Variants in PHF24 observed in about 807,000 individuals in gnomAD.
PHF24 encodes Galpha inhibitory interacting protein.
PHF24 carries 25 observed loss-of-function variants against 42.6 expected under a neutral mutation model. The ratio of observed to expected loss-of-function variants is 0.59; its 90% CI spans 0.43 to 0.82. PHF24 has a LOEUF of 0.82. PHF24 is among the 40% of genes least tolerant of loss of function. The probability of loss-of-function intolerance (pLI) is 0.00; values close to 1 mark genes in which losing one functional copy is unlikely to be tolerated. For synonymous variants in PHF24, 185 were observed against 204.8 expected (o/e 0.90, Z 0.83); for missense variants, 470 against 538.1 (o/e 0.87, Z 1.25).
the PHF24 span, among the ~76,000 whole-genome samples, chr9:34,741,204 T>TA: frequency 6.7e-6 from 1 of 150,264 alleles, no homozygotes; most frequent in Non-Finnish European, 1.5e-5. Context: ...CTCATTTTTG[T>TA]AAAAAAAGTT....
chr9:34,953,481 C>T (rs947952669), upstream of PHF24, among the ~76,000 whole-genome samples: 2 of 152,268 alleles, frequency 1.3e-5, no homozygotes, highest in East Asian at 3.9e-4. This position sits in a 1 kb window ranked among gnomAD's most constrained non-coding sequence, Gnocchi z 4.1. Flanking sequence ...AACAAAGAAG[C>T]CCAGGGCTTG....
At chr9:34,719,836 T>C in the PHF24 span, among the ~76,000 whole-genome samples, 1 of 152,208 alleles carries the variant, frequency 6.6e-6, no homozygotes, top group African/African-American at 2.4e-5. Context: ...ATACCTCCTT[T>C]GATCTTTGGG....
intron 1 of PHF24, among the ~76,000 whole-genome samples, chr9:34,963,560 C>T: frequency 6.6e-6 from 1 of 152,162 alleles, no homozygotes. Context: ...AGTGCATTTT[C>T]ACACTTTCTA....
the PHF24 span, chr9:34,835,862 C>T: frequency 8.2e-7 from 1 of 1,215,286 alleles, no homozygotes; most frequent in Non-Finnish European, 1.2e-6. Context: ...TCAAAGGATA[C>T]ACTAGACAGA....
At chr9:34,692,550 G>A in the PHF24 span, among the ~76,000 whole-genome samples, 13 of 152,100 alleles carry the variant, frequency 8.5e-5, no homozygotes, top group Admixed American at 2.0e-4. Flanking sequence ...GGGTAGTCAC[G>A]GTGCAGAGGA....
chr9:34,913,698 A>G, the PHF24 span, among the ~76,000 whole-genome samples: 1 of 152,142 alleles, frequency 6.6e-6, no homozygotes, highest in Non-Finnish European at 1.5e-5. Context: ...TGCGGTAGAA[A>G]AGACTCCTCC....
chr9:34,797,145 G>A, the PHF24 span, among the ~76,000 whole-genome samples: 1 of 152,062 alleles, frequency 6.6e-6, no homozygotes. Flanking sequence ...TGCTTCTTCC[G>A]TGCCCAGCTG....
chr9:34,690,248 G>A, the PHF24 span: 2 of 1,614,172 alleles, frequency 1.2e-6, no homozygotes, highest in South Asian at 2.2e-5. Context: ...TGATGAGAAG[G>A]TAGTGGAAGT....
At chr9:34,815,727 A>G in the PHF24 span, among the ~76,000 whole-genome samples, 6 of 152,372 alleles carry the variant, frequency 3.9e-5, no homozygotes, top group African/African-American at 1.4e-4. Flanking sequence ...TTAAATATGC[A>G]TAGCCTTGAT....
the PHF24 span, among the ~76,000 whole-genome samples, chr9:34,700,781 C>T: frequency 1.3e-5 from 2 of 152,020 alleles, no homozygotes; most frequent in Admixed American, 1.3e-4. Context: ...TGGACCTCTC[C>T]AACATGAACA....
At chr9:34,705,230 G>A in the PHF24 span, among the ~76,000 whole-genome samples, 5 of 151,758 alleles carry the variant, frequency 3.3e-5, no homozygotes, top group Admixed American at 1.3e-4. Context: ...AAATATTTAC[G>A]TGTCTCAGCA....
rs1465282933 is a variant in PHF24 at position 34,976,592 on chromosome 9, G to A, written c.701G>A (p.Gly234Glu). 3 of 1,614,186 alleles carry A rather than the reference G, an allele frequency of 1.9e-6. No individual in the cohort carries two copies. The highest frequency in any genetic ancestry group is 1.1e-5 in the South Asian group (1 of 91,084). Residue 234 changes from glycine (G) to glutamate (E), a missense_variant, in exon 5 of 8, where the codon GGG becomes GAG. By Grantham distance (98) the Gly-to-Glu change is moderately conservative. Coordinates refer to ENST00000242315, the Ensembl canonical transcript of PHF24. ...TACCGCCACCAAGCAGCCAAGCGGG[G>A]GGACCGTGACAGGGCCCTGAGTGAG...
the PHF24 span, among the ~76,000 whole-genome samples, chr9:34,676,846 C>G: frequency 6.6e-6 from 1 of 152,234 alleles, no homozygotes; most frequent in East Asian, 1.9e-4. Flanking sequence ...GCCACACGCT[C>G]TTAAACAGCT....
chr9:34,753,720 C>T, the PHF24 span, among the ~76,000 whole-genome samples: 1 of 152,152 alleles, frequency 6.6e-6, no homozygotes, highest in Non-Finnish European at 1.5e-5. Flanking sequence ...AGAGGAATCA[C>T]ATTACCTGAC....
At chr9:34,671,466 C>T in the PHF24 span, among the ~76,000 whole-genome samples, 5 of 152,350 alleles carry the variant, frequency 3.3e-5, no homozygotes, top group Admixed American at 3.3e-4. Context: ...GCTGCACTTG[C>T]ACTGCAGCCA....
At chr9:34,875,984 TCTCA>T in the PHF24 span, among the ~76,000 whole-genome samples, 1 of 133,192 alleles carries the variant, frequency 7.5e-6, no homozygotes, top group African/African-American at 2.8e-5. Flanking sequence ...TCTCTCTCTC[TCTCA>T]CTCCTTCCAA....
the PHF24 span, among the ~76,000 whole-genome samples, chr9:34,761,386 C>A: frequency 6.6e-6 from 1 of 151,990 alleles, no homozygotes; most frequent in Admixed American, 6.6e-5. Flanking sequence ...ATGCCAGACA[C>A]TATTCTTGAT....
chr9:34,809,472 G>GT, the PHF24 span, among the ~76,000 whole-genome samples: 1 of 152,186 alleles, frequency 6.6e-6, no homozygotes, highest in Non-Finnish European at 1.5e-5. This position sits in a 1 kb window ranked among gnomAD's most constrained non-coding sequence, Gnocchi z 4.1. Flanking sequence ...CAAAAAGTGG[G>GT]TTACACGACA....
the PHF24 span, among the ~76,000 whole-genome samples, chr9:34,856,499 T>C: frequency 1.3e-5 from 2 of 152,226 alleles, no homozygotes; most frequent in African/African-American, 2.4e-5. Context: ...GCTTTCTGTT[T>C]GTTTTTCTTT....
Sources: gnomAD v4.1 joint callset for allele counts (sites outside exome capture counted in the v4.1 genomes callset) on GRCh38, gnomAD v4.1.1 for gene constraint, Gnocchi (gnomAD v3.1) non-coding constraint, MANE v1.5 for transcripts, NCBI Gene and HGNC (gene_info 2026-07-23, HGNC 2026-07-21) for gene names.